Variants in SEMA3A observed in about 807,000 individuals in gnomAD.
SEMA3A encodes semaphorin 3A.
A neutral mutation model predicts 97.9 loss-of-function variants in SEMA3A; 29 were observed. The observed-to-expected ratio is 0.30, with a 90% CI of 0.22 to 0.40. SEMA3A has a LOEUF of 0.40. Among genes scored for constraint, SEMA3A ranks in the 10% least tolerant of loss-of-function variants. The probability of loss-of-function intolerance (pLI) is 1.00; values close to 1 mark genes in which losing one functional copy is unlikely to be tolerated. For missense variants in SEMA3A, 763 were observed against 951.3 expected, an observed-to-expected ratio of 0.80 and a Z score of 2.60; for synonymous variants, 321 against 323.7, an observed-to-expected ratio of 0.99 and a Z score of 0.09.
intron 12 of SEMA3A, among the ~76,000 whole-genome samples, chr7:83,988,807 T>G (rs2116339800): frequency 6.6e-6 from 1 of 151,868 alleles, no homozygotes; most frequent in African/African-American, 2.4e-5. Context: ...TCTTTAGAAT[T>G]TAGTGGCCAC....
chr7:84,279,719 G>A (rs562510970), intron 3 of SEMA3A, among the ~76,000 whole-genome samples: 18 of 152,108 alleles, frequency 1.2e-4, no homozygotes, highest in Non-Finnish European at 2.4e-4. Flanking sequence ...CCAACAAAAG[G>A]TTTTCTAATA....
rs543479151 is a variant in SEMA3A, at chr7:84,301,215, T to TA, written c.-83+5991dup. Among the ~76,000 whole-genome samples, 7 of 151,976 alleles carry TA rather than the reference T, an allele frequency of 4.6e-5. No individual in the cohort carries two copies. The East Asian group carries it at 1.2e-3, about 25-fold the overall frequency. On this transcript the variant is annotated intron_variant, in intron 3 of 3. Transcript: ENST00000424555. ...GCTTCCTAGTACTCAATAGCACAAG[T>TA]AAAAAAATAAGAAGAAAAACATATT...
chr7:84,365,326 T>C (rs1562921097), intron 2 of SEMA3A, among the ~76,000 whole-genome samples: 1 of 151,626 alleles, frequency 6.6e-6, no homozygotes. Flanking sequence ...TTGGTGCCTT[T>C]ATGGTTCAGA....
At chr7:84,215,584 C>T (rs1458406028) in intron 3 of SEMA3A, among the ~76,000 whole-genome samples, 1 of 152,102 alleles carries the variant, frequency 6.6e-6, no homozygotes, top group Non-Finnish European at 1.5e-5. Context: ...CTATTTTAAC[C>T]CACAGCCCTT....
At chr7:84,361,450 A>C (rs1187944643) in intron 2 of SEMA3A, among the ~76,000 whole-genome samples, 1 of 152,106 alleles carries the variant, frequency 6.6e-6, no homozygotes, top group Non-Finnish European at 1.5e-5. Flanking sequence ...TGCAAGGTAG[A>C]GGAAATTCTA....
At chr7:84,050,618 C>T (rs1792582815) in intron 5 of SEMA3A, among the ~76,000 whole-genome samples, 2 of 151,942 alleles carry the variant, frequency 1.3e-5, no homozygotes, top group Admixed American at 1.3e-4. Context: ...AGCCCTTTGT[C>T]AGATGAGTAG....
intron 4 of SEMA3A, among the ~76,000 whole-genome samples, chr7:84,068,703 G>T (rs1793632546): frequency 1.3e-5 from 2 of 152,150 alleles, no homozygotes; most frequent in African/African-American, 2.4e-5. Flanking sequence ...TTATGTCTGG[G>T]ATCATATGTC....
chr7:84,138,397 C>A (rs1374850101), intron 1 of SEMA3A, among the ~76,000 whole-genome samples: 1 of 151,962 alleles, frequency 6.6e-6, no homozygotes, highest in Non-Finnish European at 1.5e-5. Context: ...TATGTATTCT[C>A]AATTCTAAAT....
At chr7:84,218,466 G>T (rs1798801202) in intron 3 of SEMA3A, among the ~76,000 whole-genome samples, 2 of 151,972 alleles carry the variant, frequency 1.3e-5, no homozygotes. Context: ...TAGTTTTCTT[G>T]CTTCCTAATA....
At chr7:84,055,800 A>G (rs994477353) in intron 5 of SEMA3A, among the ~76,000 whole-genome samples, 5 of 152,188 alleles carry the variant, frequency 3.3e-5, no homozygotes, top group Non-Finnish European at 5.9e-5. Context: ...AGTCTTTTTG[A>G]AAATCTGAAG....
chr7:84,167,124 A>C (rs1411496481), intron 1 of SEMA3A, among the ~76,000 whole-genome samples: 1 of 64,542 alleles, frequency 1.5e-5, no homozygotes, highest in African/African-American at 4.3e-5. Context: ...GATGAAGAGG[A>C]ATCATTGCAG....
At chr7:84,081,427 C>T (rs963967494) in intron 4 of SEMA3A, among the ~76,000 whole-genome samples, 4 of 151,822 alleles carry the variant, frequency 2.6e-5, no homozygotes, top group Non-Finnish European at 2.9e-5. Flanking sequence ...CCCGTCTCTA[C>T]TAAAAATACA....
intron 3 of SEMA3A, among the ~76,000 whole-genome samples, chr7:84,246,102 G>T (rs532168129): frequency 2.0e-4 from 30 of 152,328 alleles, no homozygotes; most frequent in Admixed American, 8.5e-4. Flanking sequence ...AGGATTTGCA[G>T]CATTGCAGTG....
chr7:84,011,292 G>A lies in SEMA3A; in HGVS notation c.816C>T (p.Asp272=). 6.2e-7 allele frequency: 1 copy of A among 1,608,806 alleles called. No individual in the cohort carries two copies. The highest frequency in any genetic ancestry group is 8.5e-7 in the Non-Finnish European group (1 of 1,175,236). The part of the protein sequence containing the change: ...HARIGQICKN[D]FGGHRSLVNK... The stretch of plus-strand genomic sequence containing the variant: ...TCACCAGACTTCTGTGCCCTCCAAA[G>A]TCATTCTGAAAGAAGGGAACACCAG... The change falls in exon 8 of 17, where the codon GAC becomes GAT. Residue 272 remains aspartate, a synonymous_variant. Coordinates refer to ENST00000265362, the MANE Select transcript of SEMA3A (RefSeq NM_006080.3).
intron 1 of SEMA3A, among the ~76,000 whole-genome samples, chr7:84,416,745 G>A (rs1804447004): frequency 6.6e-6 from 1 of 152,120 alleles, no homozygotes; most frequent in South Asian, 2.1e-4. Context: ...AAAAGTTAAA[G>A]TTACAGAAAC....
intron 1 of SEMA3A, among the ~76,000 whole-genome samples, chr7:84,175,660 G>A (rs1295327471): frequency 1.3e-5 from 2 of 152,156 alleles, no homozygotes; most frequent in African/African-American, 2.4e-5. Context: ...GGAAGGTAGA[G>A]TATGAAACAG....
At chr7:84,337,328 T>C (rs1045162964) in intron 2 of SEMA3A, among the ~76,000 whole-genome samples, 3 of 152,184 alleles carry the variant, frequency 2.0e-5, no homozygotes, top group African/African-American at 4.8e-5. Context: ...ATGTGTAATA[T>C]ATACATAAAT....
intron 3 of SEMA3A, among the ~76,000 whole-genome samples, chr7:84,257,161 A>G (rs1324416346): frequency 1.3e-5 from 2 of 152,090 alleles, no homozygotes; most frequent in African/African-American, 4.8e-5. Context: ...TATAGCAGCT[A>G]AAGGTTTGGT....
chr7:84,488,661 G>A (rs1049476514), intron 1 of SEMA3A, among the ~76,000 whole-genome samples: 4 of 152,122 alleles, frequency 2.6e-5, no homozygotes, highest in Admixed American at 6.6e-5. Flanking sequence ...ATGAGTGAGA[G>A]TTGAAGGGTC....
Sources: allele counts gnomAD v4.1 joint callset (sites outside exome capture counted in the v4.1 genomes callset), GRCh38; gene constraint gnomAD v4.1.1; transcripts MANE v1.5; gene names NCBI Gene and HGNC (gene_info 2026-07-23, HGNC 2026-07-21).